ANO9: variants seen among roughly 807,000 people sequenced by gnomAD.
ANO9 encodes anoctamin 9, also known as anoctamin-9.
In ANO9, 80 loss-of-function variants were observed where a neutral mutation model predicts 100.5. The ratio of observed to expected loss-of-function variants is 0.80; its 90% CI spans 0.66 to 0.96. ANO9 has a LOEUF of 0.96. Among genes scored for constraint, ANO9 ranks in the 40% least tolerant of loss-of-function variants. The pLI, the probability that ANO9 is intolerant of heterozygous loss-of-function variation, is 0.00. For synonymous variants in ANO9, 473 were observed against 435.6 expected, an observed-to-expected ratio of 1.09 and a Z score of -1.07; for missense variants, 1,064 against 1,072.7, an observed-to-expected ratio of 0.99 and a Z score of 0.11.
chr11:428,796 GGCAGTTAATGAGCTGAAGT>G lies in ANO9; in HGVS notation c.927_945del (p.Leu310ProfsTer21). 1 of 1,613,270 alleles carries G rather than the reference GGCAGTTAATGAGCTGAAGT, an allele frequency of 6.2e-7. No individual in the cohort carries two copies. The highest frequency in any genetic ancestry group is 8.5e-7 in the Non-Finnish European group (1 of 1,179,944). On this transcript the variant is annotated frameshift_variant, in exon 12 of 23. Coordinates refer to ENST00000332826, the MANE Select transcript of ANO9 (RefSeq NM_001012302.3). LOFTEE classifies it high-confidence loss of function. ...TGGTATGGCCGGAGCTTGTAGTCGG[GGCAGTTAATGAGCTGAAGT>G]GCCATTTCCTCCTGGGGAGAGCACC...
rs373933628 is a variant in ANO9 at position 431,898 on chromosome 11, C to T, written c.415G>A (p.Glu139Lys). 56 of 1,610,876 alleles carry T rather than the reference C, an allele frequency of 3.5e-5. No homozygotes were observed. The highest frequency in any genetic ancestry group is 1.2e-4 in the Admixed American group (7 of 59,930). ...NNKTSAGETF[E>K]DLMKDGVFEA... is the part of the protein sequence containing the mutation. ...AAGACCCCGTCCTTCATCAGATCCT[C>T]GAAGGTCTCTGGGTCACAGGGGTTC... is the stretch of plus-strand genomic sequence containing the variant. Residue 139 changes from glutamate to lysine, a missense_variant, in exon 6 of 23, where the codon GAG becomes AAG. By Grantham distance (56) the Glu-to-Lys change is moderately conservative. Coordinates refer to ENST00000332826, the MANE Select transcript of ANO9 (RefSeq NM_001012302.3).
intron 9 of ANO9, 52 bp from the exon 10 acceptor site, chr11:429,870 G>T: frequency 6.7e-7 from 1 of 1,503,734 alleles, no homozygotes; most frequent in Non-Finnish European, 9.0e-7. Context: ...TGGGGAGGGG[G>T]GCAGGTGAGC....
At position 428,673 on chromosome 11, in the gene ANO9, A is replaced by G. The variant is rs766711736; in HGVS notation, c.1021-34T>C. On this transcript the variant is annotated intron_variant, in intron 12 of 22. Coordinates refer to ENST00000332826, the MANE Select transcript of ANO9 (RefSeq NM_001012302.3). ...CAGCTGTGGTGGGCGGGGGCCGGGGAGGGCATGCAGCCCGGGTCTCCAGCC... is the reference window on the plus strand; with the variant it reads ...CAGCTGTGGTGGGCGGGGGCCGGGGGGGGCATGCAGCCCGGGTCTCCAGCC... 1.9e-6 allele frequency: 3 copies of G among 1,611,476 alleles called. No individual in the cohort carries two copies. The South Asian group carries it at 3.3e-5, about 18-fold the overall frequency.
Position 418,875 on chromosome 11 carries a change from G to A in ANO9, c.2036+13C>T. 2 of 1,613,664 alleles carry A rather than the reference G, an allele frequency of 1.2e-6. No individual in the cohort carries two copies. Among genetic ancestry groups the A allele is most frequent in the Non-Finnish European group, 1.7e-6 (2 of 1,179,974 alleles). On this transcript the variant is annotated intron_variant, in intron 21 of 22. Transcript: ENST00000332826. ...GTTCAGAGGGCATTCTTGGGGGATG[G>A]GGAGTTCCAAACCTGCACAGAGTCA...
Position 420,626 on chromosome 11 carries a change from G to A in ANO9, c.1634-11C>T. ...AGCCGTACTGGATCACTGCGCGGTG[G>A]GGGTCAGGCTCACCGGCGCCCCGCA... is the stretch of plus-strand genomic sequence containing the variant. On this transcript the variant is annotated splice_polypyrimidine_tract_variant and intron_variant, in intron 18 of 22. Coordinates refer to ENST00000332826, the MANE Select transcript of ANO9 (RefSeq NM_001012302.3). 6.2e-7 allele frequency: 1 copy of A among 1,603,858 alleles called. No homozygotes were observed. The highest frequency in any genetic ancestry group is 1.1e-5 in the South Asian group (1 of 90,930).
Position 421,010 on chromosome 11 carries a change from G to A in ANO9, c.1425C>T (p.Phe475=), listed in dbSNP as rs756598240. 1.2e-6 allele frequency: 2 copies of A among 1,605,790 alleles called. No individual in the cohort carries two copies. Among genetic ancestry groups the A allele is most frequent in the Non-Finnish European group, 1.7e-6 (2 of 1,174,546 alleles). ...GGCCCATGATGATGGCCATCTGCAC[G>A]AAGAGGTCCATCATGCAGCCGCTGG... ...CHASGCMMDL[F]VQMAIIMGLK... is the part of the protein sequence containing the mutation. Residue 475 remains phenylalanine (F), a synonymous_variant, in exon 17 of 23, where the codon TTC becomes TTT. Coordinates refer to ENST00000332826, the MANE Select transcript of ANO9 (RefSeq NM_001012302.3). This position sits in a 1 kb window ranked among gnomAD's most constrained non-coding sequence, Gnocchi z 6.8.
intron 15 of ANO9, among the ~76,000 whole-genome samples, chr11:425,885 C>T (rs369008762): frequency 4.1e-5 from 6 of 146,668 alleles, no homozygotes; most frequent in East Asian, 2.1e-4. Context: ...CCCGCCACCA[C>T]GCCCGGCTAA....
At chr11:424,821 C>T (rs1298790915) in intron 15 of ANO9, among the ~76,000 whole-genome samples, 1 of 152,124 alleles carries the variant, frequency 6.6e-6, no homozygotes, top group Non-Finnish European at 1.5e-5. Flanking sequence ...ACAAAACACT[C>T]TTAGAAATTA....
At chr11:420,891 G>T (rs773073607) in intron 17 of ANO9, 31 bp from the exon 18 acceptor site, 1 of 1,589,730 alleles carries the variant, frequency 6.3e-7, no homozygotes, top group African/African-American at 1.3e-5. Flanking sequence ...CAGGGAGGGC[G>T]CAGGGGGCGG....
intron 19 of ANO9, chr11:420,011 G>A (rs72848733): frequency 0.076 from 103,195 of 1,355,336 alleles, 4,145 homozygotes; most frequent in Middle Eastern, 0.091. Context: ...TCCACCTCCT[G>A]GGTTCCCACC....
intron 15 of ANO9, among the ~76,000 whole-genome samples, chr11:424,055 C>T (rs920489461): frequency 3.9e-5 from 6 of 152,048 alleles, no homozygotes; most frequent in African/African-American, 1.5e-4. Flanking sequence ...ACTACAGGCT[C>T]ACACCACCAC....
chr11:435,837 T>C (rs556649958), intron 1 of ANO9, among the ~76,000 whole-genome samples: 1 of 27,238 alleles, frequency 3.7e-5, no homozygotes, highest in South Asian at 9.7e-4. Flanking sequence ...TAATACGGTA[T>C]AGTCTAGTCT....
intron 1 of ANO9, among the ~76,000 whole-genome samples, chr11:440,909 T>A (rs1564943531): frequency 6.6e-6 from 1 of 152,270 alleles, no homozygotes; most frequent in Admixed American, 6.5e-5. Flanking sequence ...GCAACTGTCT[T>A]TTTTGAAGGA....
intron 19 of ANO9, chr11:420,146 A>T (rs1848083853): frequency 2.2e-6 from 3 of 1,342,236 alleles, no homozygotes; most frequent in African/African-American, 3.0e-5. Flanking sequence ...CAGCGTGGCC[A>T]GTCTTGGGAC....
At chr11:434,001 G>A (rs754717369) in intron 2 of ANO9, 23 bp downstream of exon 2, 45 of 1,550,360 alleles carry the variant, frequency 2.9e-5, no homozygotes, top group Non-Finnish European at 2.4e-5. Context: ...GGTGGGGCCC[G>A]GGAGGGGCCC....
Position 418,819 on chromosome 11 carries a change from G to T in ANO9, c.2037-6C>A, listed in dbSNP as rs1452128338. 1 of 1,613,464 alleles carries T rather than the reference G, an allele frequency of 6.2e-7. No individual in the cohort carries two copies. Among genetic ancestry groups the T allele is most frequent in the Non-Finnish European group, 8.5e-7 (1 of 1,180,002 alleles). The stretch of plus-strand genomic sequence containing the variant: ...GATTGCGGTAGTCCCTGTATCTGGG[G>T]TAAGGAAGTACCTGAGGTCAGGGGT... On this transcript the variant is annotated splice_polypyrimidine_tract_variant and splice_region_variant and intron_variant, in intron 21 of 22. Transcript: ENST00000332826.
In ANO9 at chr11:432,086, A is replaced by G. The variant is rs1284104979; in HGVS notation, c.351-32T>C. On this transcript the variant is annotated intron_variant, in intron 4 of 22. Coordinates refer to ENST00000332826, the MANE Select transcript of ANO9 (RefSeq NM_001012302.3). This position sits in a 1 kb window ranked among gnomAD's most constrained non-coding sequence, Gnocchi z 4.8. ...AGCCAGAGCAGGGTGGCCCCGTGTG[A>G]CCACAGTGGACCCTGCCTCCAGGTC... 6.2e-7 allele frequency: 1 copy of G among 1,610,592 alleles called. No homozygotes were observed. Among genetic ancestry groups the G allele is most frequent in the African/African-American group, 1.3e-5 (1 of 74,816 alleles).
chr11:428,365 A>G lies in ANO9; in HGVS notation c.1215T>C (p.Cys405=). ...KINRCVALKL[C]DFEMPRTFSE... ...CTGGGGTAGTCCTCTCACCGAAGTC[A>G]CAAAGCTTCAGGGCCACGCACCTGT... The change falls in exon 14 of 23, where the codon TGT becomes TGC. Residue 405 remains cysteine (C), a synonymous_variant. Coordinates refer to ENST00000332826, the MANE Select transcript of ANO9 (RefSeq NM_001012302.3). The G allele has an allele frequency of 6.2e-7, 1 of 1,612,568 alleles. No homozygotes were observed. Among genetic ancestry groups the G allele is most frequent in the Non-Finnish European group, 8.5e-7 (1 of 1,179,932 alleles).
intron 15 of ANO9, among the ~76,000 whole-genome samples, chr11:424,086 G>T (rs1848355815): frequency 6.6e-6 from 1 of 151,950 alleles, no homozygotes; most frequent in Non-Finnish European, 1.5e-5. Flanking sequence ...TAGAGACGGG[G>T]TTTCTTCATG....
Sources: allele counts gnomAD v4.1 joint callset (sites outside exome capture counted in the v4.1 genomes callset), GRCh38; gene constraint gnomAD v4.1.1; non-coding constraint Gnocchi (gnomAD v3.1); transcripts MANE v1.5; gene names NCBI Gene and HGNC (gene_info 2026-07-23, HGNC 2026-07-21).